Variants in ADAMTS17 observed in about 807,000 individuals in gnomAD.
ADAMTS17 encodes A disintegrin and metalloproteinase with thrombospondin motifs 17.
ADAMTS17 carries 113 observed loss-of-function variants against 141.5 expected under a neutral mutation model. The observed-to-expected ratio is 0.80, with a 90% CI of 0.69 to 0.93. The LOEUF (loss-of-function observed/expected upper bound fraction) is 0.93, where lower values mean the gene tolerates loss of function less well. Ranked by LOEUF, ADAMTS17 falls within the 40% of genes least tolerant of loss-of-function variation. ADAMTS17 has a pLI of 0.00. For synonymous variants in ADAMTS17, 768 were observed against 630.6 expected, an observed-to-expected ratio of 1.22 and a Z score of -3.27; for missense variants, 1,659 against 1,517.9, an observed-to-expected ratio of 1.09 and a Z score of -1.54.
intron 17 of ADAMTS17, 139 bp from the exon 18 acceptor site, chr15:100,049,131 T>C (rs2031943979): frequency 1.5e-6 from 2 of 1,337,164 alleles, no homozygotes; most frequent in East Asian, 2.4e-5. Flanking sequence ...AAATGTCATG[T>C]GGGTTTTTAG....
chr15:100,273,961 T>C (rs1260264724), intron 4 of ADAMTS17, among the ~76,000 whole-genome samples: 1 of 152,224 alleles, frequency 6.6e-6, no homozygotes, highest in Admixed American at 6.5e-5. Flanking sequence ...TAGTATGTGG[T>C]TTAATTTCTA....
intron 4 of ADAMTS17, among the ~76,000 whole-genome samples, chr15:100,268,373 C>T (rs2043792858): frequency 6.6e-6 from 1 of 152,164 alleles, no homozygotes; most frequent in Non-Finnish European, 1.5e-5. Context: ...GAGAAATCTC[C>T]AAACTGCCCT....
chr15:100,046,005 T>C (rs1196867422), intron 18 of ADAMTS17, among the ~76,000 whole-genome samples: 3 of 152,250 alleles, frequency 2.0e-5, no homozygotes, highest in Non-Finnish European at 2.9e-5. Context: ...CTCAGCCTCC[T>C]GAGTAGCTGA....
At chr15:100,056,972 A>T (rs1252297208) in intron 15 of ADAMTS17, among the ~76,000 whole-genome samples, 4 of 152,040 alleles carry the variant, frequency 2.6e-5, no homozygotes, top group Non-Finnish European at 4.4e-5. Context: ...GCTTCCTGGG[A>T]TAAGCCCGCT....
At chr15:100,069,125 C>G (rs2033780437) in intron 15 of ADAMTS17, among the ~76,000 whole-genome samples, 1 of 152,046 alleles carries the variant, frequency 6.6e-6, no homozygotes, top group Non-Finnish European at 1.5e-5. Flanking sequence ...ATTCGGTCAA[C>G]TGGAAGAAAG....
chr15:100,110,638 G>A (rs187802735), intron 13 of ADAMTS17, among the ~76,000 whole-genome samples: 2 of 152,268 alleles, frequency 1.3e-5, no homozygotes, highest in Middle Eastern at 3.4e-3. Context: ...CAAGAGGAAT[G>A]CATTTTTCTC....
At chr15:100,337,594 G>C (rs1158915828) in intron 2 of ADAMTS17, among the ~76,000 whole-genome samples, 2 of 152,338 alleles carry the variant, frequency 1.3e-5, no homozygotes, top group Admixed American at 6.5e-5. Context: ...CCATCTCACA[G>C]TGTGCCCCTG....
intron 7 of ADAMTS17, among the ~76,000 whole-genome samples, chr15:100,211,790 A>C (rs1185289652): frequency 6.6e-6 from 1 of 152,246 alleles, no homozygotes; most frequent in Non-Finnish European, 1.5e-5. Flanking sequence ...AATCACAAGA[A>C]GATATCAATT....
intron 15 of ADAMTS17, among the ~76,000 whole-genome samples, chr15:100,071,552 T>C (rs1388184342): frequency 1.3e-5 from 2 of 150,290 alleles, no homozygotes; most frequent in Non-Finnish European, 3.0e-5. Flanking sequence ...TCAAAAAGCT[T>C]ATCCACCACA....
intron 19 of ADAMTS17, among the ~76,000 whole-genome samples, chr15:99,996,036 TAA>T (rs964244994): frequency 6.6e-6 from 1 of 150,754 alleles, no homozygotes; most frequent in Non-Finnish European, 1.5e-5. Context: ...TTTTCCCCCA[TAA>T]AAAGAGTCTG....
chr15:100,312,302 C>T (rs1038615238), intron 3 of ADAMTS17, among the ~76,000 whole-genome samples: 6 of 152,178 alleles, frequency 3.9e-5, no homozygotes, highest in African/African-American at 1.2e-4. Flanking sequence ...AAAGACTCAA[C>T]AGCCACTGCT....
intron 8 of ADAMTS17, among the ~76,000 whole-genome samples, chr15:100,186,165 C>T (rs1045818693): frequency 2.0e-5 from 3 of 152,154 alleles, no homozygotes; most frequent in African/African-American, 4.8e-5. Context: ...CAGATATACT[C>T]GCTGGCAGTG....
At chr15:100,085,085 A>T (rs954906622) in intron 15 of ADAMTS17, among the ~76,000 whole-genome samples, 1 of 152,230 alleles carries the variant, frequency 6.6e-6, no homozygotes, top group South Asian at 2.1e-4. Flanking sequence ...AAAGAAGTTA[A>T]AAACCTTGAA....
intron 15 of ADAMTS17, among the ~76,000 whole-genome samples, chr15:100,069,220 C>T (rs998578003): frequency 2.0e-5 from 3 of 152,144 alleles, no homozygotes; most frequent in Non-Finnish European, 4.4e-5. Context: ...ATGAACAAAG[C>T]CTCCAAGAAA....
intron 16 of ADAMTS17, among the ~76,000 whole-genome samples, chr15:100,052,805 G>A (rs1225275974): frequency 6.6e-6 from 1 of 152,200 alleles, no homozygotes; most frequent in African/African-American, 2.4e-5. Flanking sequence ...AGTGGACTTA[G>A]CGGGCTGAGA....
At chr15:100,002,011 A>AG (rs1205496181) in intron 18 of ADAMTS17, among the ~76,000 whole-genome samples, 7 of 150,158 alleles carry the variant, frequency 4.7e-5, no homozygotes, top group East Asian at 1.9e-4. Flanking sequence ...AAAAAAAAAA[A>AG]AAAAAGAAAA....
chr15:100,341,370 G>C lies in ADAMTS17; in HGVS notation c.119C>G (p.Pro40Arg). ...CACGTCGTCGGGGCGCACCCGCCAC[G>C]GGAGCACCACCTCCACGTCGGCCGC... Reference protein sequence around the residue: ...DAAADVEVVLPWRVRPDDVHL... With the variant: ...DAAADVEVVLRWRVRPDDVHL... Residue 40 changes from proline (P) to arginine (R), a missense_variant, in exon 2 of 22, where the codon CCG becomes CGG. Pro to Arg is a moderately radical substitution (Grantham distance 103, BLOSUM62 -2). Transcript: ENST00000268070. 3 of 1,017,852 alleles carry C rather than the reference G, an allele frequency of 2.9e-6. No individual in the cohort carries two copies. Among genetic ancestry groups the C allele is most frequent in the Non-Finnish European group, 3.5e-6 (3 of 853,076 alleles). The allele number at this position is 1,017,852 out of a possible 1,614,324, so 63.1% of individuals were successfully genotyped here. A position where few individuals can be genotyped will look rare whatever the true frequency, so the allele number is the denominator to read the frequency against.
chr15:100,203,634 G>C (rs1032909204), intron 7 of ADAMTS17, among the ~76,000 whole-genome samples: 3 of 152,222 alleles, frequency 2.0e-5, no homozygotes, highest in Admixed American at 6.5e-5. Context: ...GAACCTGGGA[G>C]GTGGAGCTTG....
chr15:100,051,710 C>T lies in ADAMTS17; in HGVS notation c.2317G>A (p.Asp773Asn), dbSNP rs1263670658. 7 of 1,614,068 alleles carry T rather than the reference C, an allele frequency of 4.3e-6. No individual in the cohort carries two copies. The highest frequency in any genetic ancestry group is 4.0e-5 in the African/African-American group (3 of 74,940). ...GTGTATTCATAATGAATTCCATAAT[C>T]TTGGTCGTGAAATAACAACACCTGG... Reference protein sequence around the residue: ...HLMVLLFHDQDYGIHYEYTVP... With the variant: ...HLMVLLFHDQNYGIHYEYTVP... The change falls in exon 17 of 22, where the codon GAT becomes AAT. Residue 773 changes from aspartate (D) to asparagine (N), a missense_variant. Physicochemically the swap from Asp to Asn is conservative, Grantham distance 23. Coordinates refer to ENST00000268070, the MANE Select transcript of ADAMTS17 (RefSeq NM_139057.4).
Sources: allele counts gnomAD v4.1 joint callset (sites outside exome capture counted in the v4.1 genomes callset), GRCh38; gene constraint gnomAD v4.1.1; transcripts MANE v1.5; gene names NCBI Gene and HGNC (gene_info 2026-07-23, HGNC 2026-07-21).